Variants in CNR2 observed in about 807,000 individuals in gnomAD.
CNR2 encodes cannabinoid receptor 2 (macrophage).
For synonymous variants in CNR2, 172 were observed against 182.2 expected (o/e 0.94, Z 0.45); for missense variants, 379 against 439.9 (o/e 0.86, Z 1.24).
At chr1:23,896,127 G>T (rs1483445178) in intron 1 of CNR2, among the ~76,000 whole-genome samples, 1 of 152,122 alleles carries the variant, frequency 6.6e-6, no homozygotes, top group East Asian at 1.9e-4. Context: ...GTCTCCCAAA[G>T]TTCATGCTCA....
chr1:23,874,914 G>T lies in CNR2; in HGVS notation c.704C>A (p.Ala235Asp), dbSNP rs1197908587. The change falls in exon 2 of 2, where the codon GCC (alanine) becomes GAC (aspartate). Residue 235 changes from alanine to aspartate, a missense_variant. Coordinates refer to ENST00000374472, the MANE Select transcript of CNR2 (RefSeq NM_001841.3). The part of the protein sequence containing the change: ...GHQDRQVPGM[A>D]RMRLDVRLAK... Reference sequence around the variant, plus strand: ...CAACCTCACATCCAGCCTCATTCGGGCCATTCCTGGCACCTGCCTGTCCTG... The same window carrying T: ...CAACCTCACATCCAGCCTCATTCGGTCCATTCCTGGCACCTGCCTGTCCTG... The T allele has an allele frequency of 6.2e-7, 1 of 1,613,590 alleles. No individual in the cohort carries two copies. The highest frequency in any genetic ancestry group is 8.5e-7 in the Non-Finnish European group (1 of 1,179,764).
At chr1:23,898,630 A>G (rs11488708) in intron 1 of CNR2, among the ~76,000 whole-genome samples, 117,282 of 119,476 alleles carry the variant, frequency 0.98, 57,621 homozygotes, top group East Asian at 1. Context: ...TTGAGCCACC[A>G]CGCCTGGCCA....
intron 1 of CNR2, chr1:23,906,966 A>T (rs1640502394): frequency 6.6e-6 from 1 of 151,968 alleles, no homozygotes; most frequent in Non-Finnish European, 1.5e-5. Context: ...GCAGGTGTAG[A>T]TCTCTTTTAT....
At chr1:23,911,864 T>C (rs947815480) in intron 1 of CNR2, among the ~76,000 whole-genome samples, 4 of 152,140 alleles carry the variant, frequency 2.6e-5, no homozygotes, top group Non-Finnish European at 4.4e-5. Context: ...GCCAGGATTA[T>C]TGGGACTCCA....
Position 23,875,126 on chromosome 1 carries a change from G to A in CNR2, c.492C>T (p.Val164=), listed in dbSNP as rs758137578. The A allele has an allele frequency of 2.5e-6, 4 of 1,609,082 alleles. No individual in the cohort carries two copies. In the East Asian group the frequency reaches 6.7e-5, roughly 27 times the overall value. Reference sequence around the variant, plus strand: ...TCCATCCCATGAGGGGCAGGTAGGAGACTAGTGCTGAGAGGACCCACATGA... The same window carrying A: ...TCCATCCCATGAGGGGCAGGTAGGAAACTAGTGCTGAGAGGACCCACATGA... The part of the protein sequence containing the change: ...LGIMWVLSAL[V]SYLPLMGWTC... The change falls in exon 2 of 2, where the codon GTC becomes GTT. Residue 164 remains valine, a synonymous_variant. Coordinates refer to ENST00000374472, the MANE Select transcript of CNR2 (RefSeq NM_001841.3).
Position 23,894,294 on chromosome 1 carries a change from G to A in CNR2, c.-45-18632C>T, listed in dbSNP as rs1037089442. Among the ~76,000 whole-genome samples, 5 of 151,952 alleles carry A rather than the reference G, an allele frequency of 3.3e-5. No individual in the cohort carries two copies. The South Asian group carries it at 6.2e-4, about 19-fold the overall frequency. ...CAAAAGTAACTGGGCGTTGTGGCTCGCCTGTAATCCTAACTACTCGGGTGG... is the reference window on the plus strand; with the variant it reads ...CAAAAGTAACTGGGCGTTGTGGCTCACCTGTAATCCTAACTACTCGGGTGG... On this transcript the variant is annotated intron_variant, in intron 1 of 1. Coordinates refer to ENST00000374472, the MANE Select transcript of CNR2 (RefSeq NM_001841.3).
intron 1 of CNR2, among the ~76,000 whole-genome samples, chr1:23,911,950 C>A (rs1640594436): frequency 6.6e-6 from 1 of 152,146 alleles, no homozygotes; most frequent in Non-Finnish European, 1.5e-5. Flanking sequence ...ACTTGCCACT[C>A]ATTCCAGGGA....
intron 1 of CNR2, among the ~76,000 whole-genome samples, chr1:23,876,115 A>G (rs777213444): frequency 2.0e-5 from 3 of 152,154 alleles, no homozygotes; most frequent in Non-Finnish European, 2.9e-5. Context: ...CTATTTGGGG[A>G]TGGGATTTAT....
chr1:23,886,503 T>C (rs1450685979), intron 1 of CNR2, among the ~76,000 whole-genome samples: 1 of 152,250 alleles, frequency 6.6e-6, no homozygotes, highest in Admixed American at 6.5e-5. Context: ...CTTTGGTTAA[T>C]AACCACGCAT....
rs181953885 is a variant in CNR2, at chr1:23,877,570, G to A, written c.-45-1908C>T. On this transcript the variant is annotated intron_variant, in intron 1 of 1. Coordinates refer to ENST00000374472, the MANE Select transcript of CNR2 (RefSeq NM_001841.3). ...GAATGGCGTGAACCCGGGAGGCGGA[G>A]CTTGCAGTGAGCCGAGAGCCGAGAT... 9.3e-3 allele frequency among the ~76,000 whole-genome samples: 1,422 copies of A among 152,128 alleles called. 27 individuals are homozygous for A. Among genetic ancestry groups the A allele is most frequent in the African/African-American group, 0.031 (1,277 of 41,496 alleles).
intron 1 of CNR2, among the ~76,000 whole-genome samples, chr1:23,903,943 G>T (rs750187499): frequency 2.2e-4 from 34 of 152,300 alleles, no homozygotes; most frequent in South Asian, 1.7e-3. Flanking sequence ...ACAGGAGCCT[G>T]CCTCCTAGTT....
At chr1:23,883,145 C>A (rs1393687321) in intron 1 of CNR2, among the ~76,000 whole-genome samples, 1 of 152,170 alleles carries the variant, frequency 6.6e-6, no homozygotes, top group Non-Finnish European at 1.5e-5. Flanking sequence ...GATGCGTAAC[C>A]TCAATAGTAG....
intron 1 of CNR2, among the ~76,000 whole-genome samples, chr1:23,898,929 A>T (rs1297235846): frequency 6.6e-6 from 1 of 152,098 alleles, no homozygotes; most frequent in Non-Finnish European, 1.5e-5. Flanking sequence ...CTGGGATAAC[A>T]GGCGTGAGCC....
intron 1 of CNR2, chr1:23,901,592 T>G: frequency 6.2e-7 from 1 of 1,611,304 alleles, no homozygotes; most frequent in Non-Finnish European, 8.5e-7. Context: ...CATCCCCTCC[T>G]GCCCAAAGTA....
At position 23,875,528 on chromosome 1, in the gene CNR2, A is replaced by G. The variant is rs762323628; in HGVS notation, c.90T>C (p.Gly30=). ...ACACAGCAACAGCTGTCTTCTGGGG[A>G]CCACTCAGGATCATGTAATCCTTCA... is the stretch of plus-strand genomic sequence containing the variant. ...NPMKDYMILS[G]PQKTAVAVLC... Residue 30 remains glycine, a synonymous_variant, in exon 2 of 2, where the codon GGT becomes GGC. Transcript: ENST00000374472. 1.2e-6 allele frequency: 2 copies of G among 1,614,098 alleles called. No individual in the cohort carries two copies. The highest frequency in any genetic ancestry group is 1.7e-6 in the Non-Finnish European group (2 of 1,180,024).
chr1:23,892,405 T>C (rs1259968270), intron 1 of CNR2, among the ~76,000 whole-genome samples: 3 of 152,328 alleles, frequency 2.0e-5, no homozygotes, highest in African/African-American at 7.2e-5. Context: ...ATTCCTTTAA[T>C]AAATTCCTCC....
chr1:23,889,381 T>G (rs976812937), intron 1 of CNR2, among the ~76,000 whole-genome samples: 5 of 152,204 alleles, frequency 3.3e-5, no homozygotes, highest in Non-Finnish European at 5.9e-5. Context: ...CCTCACCGTT[T>G]TTATCCCCAA....
intron 1 of CNR2, among the ~76,000 whole-genome samples, chr1:23,899,917 GAAAGA>G (rs1402386807): frequency 1.7e-3 from 4 of 2,342 alleles, no homozygotes; most frequent in Admixed American, 7.7e-3. Context: ...GAGAAAGAAA[GAAAGA>G]GAAAGAAAGA....
chr1:23,885,991 C>A (rs1041980397), intron 1 of CNR2, among the ~76,000 whole-genome samples: 9 of 151,824 alleles, frequency 5.9e-5, no homozygotes, highest in Non-Finnish European at 1.2e-4. Flanking sequence ...AGTTTGAGAC[C>A]AACCTGGCCA....
Sources: gnomAD v4.1 joint callset for allele counts (sites outside exome capture counted in the v4.1 genomes callset) on GRCh38, gnomAD v4.1.1 for gene constraint, MANE v1.5 for transcripts, NCBI Gene and HGNC (gene_info 2026-07-23, HGNC 2026-07-21) for gene names.